XPR1: variants seen among roughly 807,000 people sequenced by gnomAD.
XPR1 encodes the protein solute carrier family 53 member 1.
XPR1 carries 28 observed loss-of-function variants against 87.5 expected under a neutral mutation model. The ratio of observed to expected loss-of-function variants is 0.32; its 90% CI spans 0.24 to 0.44. The LOEUF (loss-of-function observed/expected upper bound fraction) is 0.44. Ranked by LOEUF, XPR1 falls within the 20% of genes least tolerant of loss-of-function variation. The probability of loss-of-function intolerance (pLI) is 1.00; values close to 1 mark genes in which losing one functional copy is unlikely to be tolerated. For synonymous variants in XPR1, 300 were observed against 306.1 expected (o/e 0.98, Z 0.21); for missense variants, 559 against 862.3 (o/e 0.65, Z 4.41).
intron 2 of XPR1, among the ~76,000 whole-genome samples, chr1:180,761,709 G>T (rs1648039004): frequency 2.0e-5 from 3 of 152,170 alleles, no homozygotes; most frequent in Admixed American, 2.0e-4. Context: ...GGAAGTCAGT[G>T]TGGCAATTCC....
At chr1:180,710,788 G>A (rs994142274) in intron 2 of XPR1, among the ~76,000 whole-genome samples, 7 of 145,782 alleles carry the variant, frequency 4.8e-5, no homozygotes, top group South Asian at 2.3e-4. Context: ...GGGCAGAGGC[G>A]CCCCCCCACC....
At chr1:180,856,204 G>A (rs1184727581) in intron 11 of XPR1, among the ~76,000 whole-genome samples, 2 of 151,778 alleles carry the variant, frequency 1.3e-5, no homozygotes, top group Non-Finnish European at 2.9e-5. Context: ...TAGAAACCTT[G>A]AAATGTAAAC....
chr1:180,696,568 A>G (rs141195694), intron 2 of XPR1, among the ~76,000 whole-genome samples: 14 of 152,196 alleles, frequency 9.2e-5, no homozygotes, highest in African/African-American at 3.4e-4. Context: ...GAAAGTGGGC[A>G]GTTGTTACAA....
intron 2 of XPR1, among the ~76,000 whole-genome samples, chr1:180,722,386 G>T (rs1485133048): frequency 6.6e-6 from 1 of 152,088 alleles, no homozygotes; most frequent in South Asian, 2.1e-4. Context: ...GAGCCACCGC[G>T]CCCGGCCCTT....
At chr1:180,748,202 G>A (rs1647344660) in intron 2 of XPR1, among the ~76,000 whole-genome samples, 1 of 151,896 alleles carries the variant, frequency 6.6e-6, no homozygotes, top group Non-Finnish European at 1.5e-5. Context: ...CTAGCCAGTG[G>A]TATATTGGAG....
rs1006646658 is a variant in XPR1, at chr1:180,684,248, G to C, written c.121+1837G>C. ...AATCCTTTCCCCATTGCTTGTTTTTGTCAGGTTTGTCAAAGATCAGATGGT... is the reference window on the plus strand; with the variant it reads ...AATCCTTTCCCCATTGCTTGTTTTTCTCAGGTTTGTCAAAGATCAGATGGT... On this transcript the variant is annotated intron_variant, in intron 2 of 14. Transcript: ENST00000367590. Among the ~76,000 whole-genome samples, 15 of 152,174 alleles carry C rather than the reference G, an allele frequency of 9.9e-5. No homozygotes were observed. In the South Asian group the frequency reaches 1.0e-3, roughly 11 times the overall value.
intron 2 of XPR1, among the ~76,000 whole-genome samples, chr1:180,765,104 G>C (rs912425630): frequency 5.3e-5 from 8 of 152,128 alleles, no homozygotes; most frequent in African/African-American, 1.9e-4. Flanking sequence ...AATTTTTTAT[G>C]TGCAGGAACT....
intron 13 of XPR1, 150 bp from the exon 14 acceptor site, chr1:180,879,926 C>T (rs890810768): frequency 3.7e-6 from 3 of 814,680 alleles, no homozygotes; most frequent in Non-Finnish European, 5.8e-6. Flanking sequence ...ACCACCTCCC[C>T]GCAACACCAT....
chr1:180,789,498 C>G (rs1207198008), intron 3 of XPR1, among the ~76,000 whole-genome samples: 3 of 152,180 alleles, frequency 2.0e-5, no homozygotes, highest in Non-Finnish European at 4.4e-5. Flanking sequence ...TTTTCCATCT[C>G]ACAGAGCTCT....
At chr1:180,681,370 G>T (rs985393695) in intron 1 of XPR1, among the ~76,000 whole-genome samples, 1 of 152,196 alleles carries the variant, frequency 6.6e-6, no homozygotes, top group African/African-American at 2.4e-5. Context: ...TTCTGGCCGG[G>T]TGCAGTGGCT....
intron 2 of XPR1, among the ~76,000 whole-genome samples, chr1:180,757,869 T>TA (rs35162664): frequency 0.057 from 2,292 of 40,102 alleles, 155 homozygotes; most frequent in South Asian, 0.077. Context: ...GTTGAAAATG[T>TA]AAAAAAAAAA....
chr1:180,883,126 C>CT (rs10690260), intron 14 of XPR1, among the ~76,000 whole-genome samples: 23,253 of 87,164 alleles, frequency 0.27, 3,851 homozygotes, highest in Middle Eastern at 0.35. Flanking sequence ...TCATACCTGG[C>CT]TTTTTTTTTT....
At chr1:180,713,499 T>C (rs1166288657) in intron 2 of XPR1, among the ~76,000 whole-genome samples, 1 of 152,212 alleles carries the variant, frequency 6.6e-6, no homozygotes, top group Non-Finnish European at 1.5e-5. Context: ...CTTGCCTGGT[T>C]ACGCTGGGCT....
intron 1 of XPR1, among the ~76,000 whole-genome samples, chr1:180,647,788 C>T (rs1655165585): frequency 6.6e-6 from 1 of 151,360 alleles, no homozygotes; most frequent in African/African-American, 2.4e-5. Flanking sequence ...GTAATCCCAG[C>T]TACTCCAGAG....
At chr1:180,743,557 A>T (rs1435774773) in intron 2 of XPR1, among the ~76,000 whole-genome samples, 3 of 152,148 alleles carry the variant, frequency 2.0e-5, no homozygotes, top group Admixed American at 2.0e-4. Context: ...TTATATATAT[A>T]TACCCAGATA....
chr1:180,858,351 C>A (rs1298728634), intron 11 of XPR1, among the ~76,000 whole-genome samples: 1 of 152,188 alleles, frequency 6.6e-6, no homozygotes, highest in African/African-American at 2.4e-5. Flanking sequence ...ATAACCACTT[C>A]TGTTTTTTTC....
chr1:180,707,576 C>T (rs1202386898), intron 2 of XPR1, among the ~76,000 whole-genome samples: 13 of 152,162 alleles, frequency 8.5e-5, no homozygotes, highest in Admixed American at 8.5e-4. Context: ...GGAATATAGG[C>T]AGACCCAATT....
At chr1:180,733,327 A>G (rs1184061255) in intron 2 of XPR1, among the ~76,000 whole-genome samples, 1 of 152,122 alleles carries the variant, frequency 6.6e-6, no homozygotes, top group African/African-American at 2.4e-5. Flanking sequence ...CCCCGCTTCC[A>G]TATCATTTAA....
At chr1:180,849,359 T>C (rs1461132334) in intron 11 of XPR1, among the ~76,000 whole-genome samples, 1 of 152,216 alleles carries the variant, frequency 6.6e-6, no homozygotes, top group Non-Finnish European at 1.5e-5. Context: ...TAAAAAGTTA[T>C]TTCCTACAAG....
Sources: gnomAD v4.1 joint callset for allele counts (sites outside exome capture counted in the v4.1 genomes callset) on GRCh38, gnomAD v4.1.1 for gene constraint, MANE v1.5 for transcripts, NCBI Gene and HGNC (gene_info 2026-07-23, HGNC 2026-07-21) for gene names.